The following USP42 variants were observed in gnomAD, a reference collection of about 807,000 sequenced individuals.
USP42 encodes ubiquitin specific peptidase 42, also known as ubiquitin carboxyl-terminal hydrolase 42.
In USP42, 23 loss-of-function variants were observed where a neutral mutation model predicts 113.0. The ratio of observed to expected loss-of-function variants is 0.20; its 90% CI spans 0.15 to 0.29. USP42 has a LOEUF of 0.29. Ranked by LOEUF, USP42 falls within the 10% of genes least tolerant of loss-of-function variation. USP42 has a pLI of 1.00. For synonymous variants in USP42, 933 were observed against 699.0 expected (o/e 1.33, Z -5.28); for missense variants, 2,174 against 1,779.8 (o/e 1.22, Z -3.99).
At chr7:6,111,562 T>A (rs543809457) in intron 2 of USP42, among the ~76,000 whole-genome samples, 188 bp downstream of exon 2, 9 of 152,142 alleles carry the variant, frequency 5.9e-5, no homozygotes, top group Non-Finnish European at 1.0e-4. Context: ...CAGGGTAGAT[T>A]GTTTTTAGTT....
Position 6,154,652 on chromosome 7 carries a change from T to G in USP42, c.3098T>G (p.Val1033Gly), listed in dbSNP as rs1583691151. ...CGGAGCGGGGTGGAGCTGGACTGGG[T>G]CAGACACCACTACACCGAGGGCGAG... ...RHRSGVELDWVRHHYTEGERG... is the reference protein window; with the variant it reads ...RHRSGVELDWGRHHYTEGERG... Residue 1033 changes from valine (V) to glycine (G), a missense_variant, in exon 15 of 18, where the codon GTC (valine) becomes GGC (glycine). Transcript: ENST00000306177. 1 of 1,606,104 alleles carries G rather than the reference T, an allele frequency of 6.2e-7. No homozygotes were observed. Among genetic ancestry groups the G allele is most frequent in the Non-Finnish European group, 8.5e-7 (1 of 1,177,296 alleles).
the USP42 span, among the ~76,000 whole-genome samples, chr7:6,085,596 A>G: frequency 2.1e-5 from 3 of 144,856 alleles, no homozygotes; most frequent in Non-Finnish European, 4.5e-5. Flanking sequence ...TATATGTAAT[A>G]TATACAAATA....
chr7:6,142,868 G>C, intron 7 of USP42, 64 bp from the exon 8 acceptor site: 1 of 1,547,464 alleles, frequency 6.5e-7, no homozygotes, highest in Non-Finnish European at 8.9e-7. Context: ...TGGGTGGCAG[G>C]GCAAGACCCA....
the USP42 span, among the ~76,000 whole-genome samples, chr7:6,092,074 TCC>T: frequency 1.6e-3 from 72 of 44,976 alleles, no homozygotes; most frequent in African/African-American, 9.0e-3. Context: ...TTCTTCTTCT[TCC>T]TCTTCCTCTT....
chr7:6,106,408 C>T (rs1273815574), intron 1 of USP42, among the ~76,000 whole-genome samples: 1 of 152,118 alleles, frequency 6.6e-6, no homozygotes, highest in African/African-American at 2.4e-5. Context: ...TGAAACTCCA[C>T]AAATGAAGAA....
Position 6,142,970 on chromosome 7 carries a change from G to A in USP42, c.834G>A (p.Val278=). 1.9e-6 allele frequency: 3 copies of A among 1,614,012 alleles called. No individual in the cohort carries two copies. The highest frequency in any genetic ancestry group is 2.5e-6 in the Non-Finnish European group (3 of 1,179,888). ...TCAACAAGGCATTGGAGCAGTTTGT[G>A]AAGCCGGAACAGCTTGATGGAGAAA... ...QSVNKALEQF[V]KPEQLDGENS... Residue 278 remains valine (V), a synonymous_variant, in exon 8 of 18, where the codon GTG becomes GTA. Transcript: ENST00000306177.
intron 11 of USP42, among the ~76,000 whole-genome samples, chr7:6,147,015 T>C (rs1781753446): frequency 6.6e-6 from 1 of 152,238 alleles, no homozygotes; most frequent in Admixed American, 6.5e-5. Context: ...TTTCACTCAC[T>C]CACTCGCTCC....
intron 14 of USP42, among the ~76,000 whole-genome samples, chr7:6,151,396 C>T (rs1361694072): frequency 6.6e-6 from 1 of 152,158 alleles, no homozygotes; most frequent in Non-Finnish European, 1.5e-5. Context: ...TAACACTTAG[C>T]TTAAAACACA....
At chr7:6,097,576 G>A in the USP42 span, among the ~76,000 whole-genome samples, 1 of 149,446 alleles carries the variant, frequency 6.7e-6, no homozygotes, top group African/African-American at 2.5e-5. Context: ...CCAGCCATGT[G>A]GGTTATTTCT....
chr7:6,160,451 G>T (rs967095220), intron 17 of USP42, 104 bp from the exon 18 acceptor site: 1 of 152,460 alleles, frequency 6.6e-6, no homozygotes, highest in African/African-American at 2.4e-5. Context: ...CCTCAAGGAA[G>T]AGCTTCCCCA....
the USP42 span, among the ~76,000 whole-genome samples, chr7:6,086,541 G>A: frequency 0.018 from 2,739 of 150,752 alleles, 224 homozygotes; most frequent in African/African-American, 0.065. Context: ...GTAGAGACTA[G>A]TTTTCACCAT....
intron 8 of USP42, 97 bp downstream of exon 8, chr7:6,143,111 G>A: frequency 8.0e-7 from 1 of 1,250,136 alleles, no homozygotes; most frequent in Non-Finnish European, 1.2e-6. Context: ...TAGGTTGCTT[G>A]AGTTTCTGAT....
At chr7:6,138,083 G>A (rs568993207) in intron 4 of USP42, among the ~76,000 whole-genome samples, 25 of 152,282 alleles carry the variant, frequency 1.6e-4, no homozygotes, top group African/African-American at 5.5e-4. Context: ...TGTATCCACT[G>A]ATACACACAT....
the USP42 span, among the ~76,000 whole-genome samples, chr7:6,092,050 CTTCT>C: frequency 0.013 from 952 of 72,432 alleles, 6 homozygotes; most frequent in Admixed American, 0.021. Flanking sequence ...TCTTCTTCTT[CTTCT>C]TTCTTCTTCT....
At chr7:6,126,868 T>C (rs1229474778) in intron 3 of USP42, among the ~76,000 whole-genome samples, 2 of 152,186 alleles carry the variant, frequency 1.3e-5, no homozygotes, top group African/African-American at 2.4e-5. Flanking sequence ...ATGTCTTCAT[T>C]TCTCTGGGAT....
chr7:6,133,736 T>C (rs942935122), intron 3 of USP42, among the ~76,000 whole-genome samples: 2 of 151,986 alleles, frequency 1.3e-5, no homozygotes, highest in Admixed American at 6.6e-5. Flanking sequence ...CCCAGGCTGG[T>C]GTCAAACTCC....
chr7:6,087,342 T>C, the USP42 span, among the ~76,000 whole-genome samples: 1 of 126,850 alleles, frequency 7.9e-6, no homozygotes, highest in East Asian at 2.1e-4. Context: ...AAGCGCTTCT[T>C]TTTTTTTTTT....
chr7:6,083,462 A>G, the USP42 span, among the ~76,000 whole-genome samples: 7 of 146,328 alleles, frequency 4.8e-5, 1 homozygote, highest in African/African-American at 1.8e-4. Context: ...TGCCATGTCA[A>G]CCAGGCTGGT....
At chr7:6,155,767 TAA>T in intron 15 of USP42, among the ~76,000 whole-genome samples, 1 of 152,316 alleles carries the variant, frequency 6.6e-6, no homozygotes, top group Admixed American at 6.5e-5. Flanking sequence ...CTGTATTTTT[TAA>T]GAGACAGGGT....
Sources: allele counts gnomAD v4.1 joint callset (sites outside exome capture counted in the v4.1 genomes callset), GRCh38; gene constraint gnomAD v4.1.1; transcripts MANE v1.5; gene names NCBI Gene and HGNC (gene_info 2026-07-23, HGNC 2026-07-21).